SMYD4: variants seen among roughly 807,000 people sequenced by gnomAD.
SMYD4 encodes protein-lysine N-methyltransferase SMYD4.
SMYD4 carries 68 observed loss-of-function variants against 72.8 expected under a neutral mutation model. The ratio of observed to expected loss-of-function variants is 0.93; its 90% CI spans 0.77 to 1.14. The LOEUF (loss-of-function observed/expected upper bound fraction) is 1.14, where lower values mean the gene tolerates loss of function less well. SMYD4 is among the 50% of genes most tolerant of loss of function. The pLI is 0.00. For synonymous variants in SMYD4, 407 were observed against 388.6 expected (o/e 1.05, Z -0.56); for missense variants, 984 against 1,003.7 (o/e 0.98, Z 0.27).
chr17:1,787,071 T>C (rs1256306926), intron 6 of SMYD4, 98 bp from the exon 7 acceptor site: 1 of 1,427,460 alleles, frequency 7.0e-7, no homozygotes, highest in Non-Finnish European at 9.5e-7. Context: ...CAATTACCTA[T>C]CATGTGACAG....
intron 5 of SMYD4, among the ~76,000 whole-genome samples, chr17:1,796,531 G>A (rs748573401): frequency 6.6e-6 from 1 of 151,660 alleles, no homozygotes; most frequent in African/African-American, 2.4e-5. Context: ...CCACCTCCCA[G>A]GTTCAAGCAA....
At chr17:1,802,138 C>G (rs901079152) in intron 4 of SMYD4, among the ~76,000 whole-genome samples, 9 of 152,142 alleles carry the variant, frequency 5.9e-5, no homozygotes, top group African/African-American at 2.2e-4. Context: ...ATATATCTAA[C>G]ATGCCAAAAG....
At chr17:1,793,620 G>C (rs1224248492) in intron 5 of SMYD4, among the ~76,000 whole-genome samples, 1 of 151,898 alleles carries the variant, frequency 6.6e-6, no homozygotes, top group African/African-American at 2.4e-5. Context: ...CAGATTCAAG[G>C]AGAGGGGAAA....
At chr17:1,804,797 T>C (rs1268180530) in intron 3 of SMYD4, 82 bp from the exon 4 acceptor site, 1 of 1,358,144 alleles carries the variant, frequency 7.4e-7, no homozygotes, top group Non-Finnish European at 1.0e-6. Context: ...CGGGCTCTAG[T>C]ACTGAAGACT....
At chr17:1,811,950 C>T in intron 3 of SMYD4, 21 bp downstream of exon 3, 1 of 1,606,278 alleles carries the variant, frequency 6.2e-7, no homozygotes, top group Non-Finnish European at 8.5e-7. Flanking sequence ...TAATAAATTG[C>T]TTGAGCTGGG....
At chr17:1,804,056 T>C (rs908849984) in intron 4 of SMYD4, among the ~76,000 whole-genome samples, 24 of 151,118 alleles carry the variant, frequency 1.6e-4, no homozygotes, top group African/African-American at 5.6e-4. Context: ...TTTGTATTTT[T>C]AGTAGAGATG....
rs1341683546 is a variant in SMYD4, at chr17:1,793,919, C to G, written c.1537+5938G>C. Among the ~76,000 whole-genome samples, 15 of 148,736 alleles carry G rather than the reference C, an allele frequency of 1.0e-4. 1 individual carries two copies. Among genetic ancestry groups the G allele is most frequent in the South Asian group, 6.4e-4 (3 of 4,724 alleles). On this transcript the variant is annotated intron_variant, in intron 5 of 10. Coordinates refer to ENST00000305513, the MANE Select transcript of SMYD4 (RefSeq NM_052928.3). ...CACTGCAACCTCCACCTCCCAGATT[C>G]AAGCGATTCTCCTGCCTTGGCCTCC...
chr17:1,786,101 A>G (rs1908676927), intron 7 of SMYD4, among the ~76,000 whole-genome samples: 1 of 152,208 alleles, frequency 6.6e-6, no homozygotes, highest in Admixed American at 6.5e-5. Context: ...TCTGGCCCAA[A>G]TGGCTGGAGG....
chr17:1,798,101 G>A (rs1909501397), intron 5 of SMYD4, among the ~76,000 whole-genome samples: 1 of 151,684 alleles, frequency 6.6e-6, no homozygotes, highest in Non-Finnish European at 1.5e-5. Flanking sequence ...TCCCTAAAGA[G>A]AAACTATATA....
intron 2 of SMYD4, among the ~76,000 whole-genome samples, chr17:1,826,330 T>A (rs1597402390): frequency 6.6e-6 from 1 of 151,510 alleles, no homozygotes; most frequent in African/African-American, 2.4e-5. Flanking sequence ...CCATCTCTAT[T>A]AAAAATACAA....
chr17:1,800,172 G>T lies in SMYD4; in HGVS notation c.1222C>A (p.Pro408Thr). The change falls in exon 5 of 11, where the codon CCA becomes ACA. Residue 408 changes from proline to threonine, a missense_variant. Pro to Thr is a conservative substitution (Grantham distance 38). Coordinates refer to ENST00000305513, the MANE Select transcript of SMYD4 (RefSeq NM_052928.3). ...CCATTAATATCGCATCCAGGAATTG[G>T]GGTCTCAACGATGTTGCCATTTTTC... ...SEKNGNIVET[P>T]IPGCDINGKY... is the part of the protein sequence containing the mutation. The T allele has an allele frequency of 6.2e-7, 1 of 1,610,570 alleles. No individual in the cohort carries two copies. Among genetic ancestry groups the T allele is most frequent in the South Asian group, 1.1e-5 (1 of 90,796 alleles).
At chr17:1,797,269 CCT>C (rs1327086930) in intron 5 of SMYD4, among the ~76,000 whole-genome samples, 1 of 152,138 alleles carries the variant, frequency 6.6e-6, no homozygotes, top group African/African-American at 2.4e-5. Flanking sequence ...TGGTTTCCTC[CCT>C]CTCAAGAGAG....
In SMYD4 at chr17:1,800,729, C is replaced by T; in HGVS notation, c.665G>A (p.Arg222Lys). ...ATTGGAAAGTTGTTCATTCTCCTCC[C>T]TCAGCGCTGCATCCTCAAGGGTTTT... is the stretch of plus-strand genomic sequence containing the variant. ...LAKTLEDAAL[R>K]EENEQLSNAS... is the part of the protein sequence containing the mutation. The change falls in exon 5 of 11, where the codon AGG (arginine) becomes AAG (lysine). Residue 222 changes from arginine to lysine, a missense_variant. By Grantham distance (26) the Arg-to-Lys change is conservative. Transcript: ENST00000305513. 6.2e-7 allele frequency: 1 copy of T among 1,614,234 alleles called. No individual in the cohort carries two copies. Among genetic ancestry groups the T allele is most frequent in the Non-Finnish European group, 8.5e-7 (1 of 1,180,044 alleles).
At chr17:1,784,553 A>G in intron 7 of SMYD4, 92 bp from the exon 8 acceptor site, 1 of 1,542,006 alleles carries the variant, frequency 6.5e-7, no homozygotes, top group African/African-American at 1.4e-5. Context: ...ATAGTTTCTT[A>G]CCTCATGGGG....
intron 2 of SMYD4, among the ~76,000 whole-genome samples, chr17:1,826,549 A>C (rs2151257957): frequency 6.6e-6 from 1 of 152,008 alleles, no homozygotes; most frequent in Non-Finnish European, 1.5e-5. Flanking sequence ...GAAGACTAAC[A>C]AAAAAAGTAT....
chr17:1,783,350 C>T lies in SMYD4; in HGVS notation c.2137+10G>A. On this transcript the variant is annotated intron_variant, in intron 9 of 10. Coordinates refer to ENST00000305513, the MANE Select transcript of SMYD4 (RefSeq NM_052928.3). ...GTTCCCGACGCAGAACGTGAAGGCT[C>T]ATGCTGTACCTAAGGCAGCACAGGC... The T allele has an allele frequency of 6.2e-7, 1 of 1,612,124 alleles. No homozygotes were observed. Among genetic ancestry groups the T allele is most frequent in the Non-Finnish European group, 8.5e-7 (1 of 1,179,974 alleles).
intron 1 of SMYD4, among the ~76,000 whole-genome samples, chr17:1,829,075 A>G (rs1281492773): frequency 6.6e-6 from 1 of 152,130 alleles, no homozygotes; most frequent in Admixed American, 6.6e-5. Flanking sequence ...TGCCATTGGC[A>G]CCACTCCCCA....
chr17:1,827,752 A>G (rs1389014209), intron 2 of SMYD4, 109 bp downstream of exon 2: 5 of 1,384,544 alleles, frequency 3.6e-6, no homozygotes, highest in Non-Finnish European at 4.8e-6. Flanking sequence ...CCTGGGAAAC[A>G]AGCAAGACTC....
intron 10 of SMYD4, 172 bp downstream of exon 10, chr17:1,782,863 A>T: frequency 9.7e-7 from 1 of 1,028,410 alleles, no homozygotes; most frequent in South Asian, 1.9e-5. Flanking sequence ...GCCTCCCAGG[A>T]GGAAATTCTA....
Sources: gnomAD v4.1 joint callset for allele counts (sites outside exome capture counted in the v4.1 genomes callset) on GRCh38, gnomAD v4.1.1 for gene constraint, MANE v1.5 for transcripts, NCBI Gene and HGNC (gene_info 2026-07-23, HGNC 2026-07-21) for gene names.